The following JAKMIP2 variants were observed in gnomAD, a reference collection of about 807,000 sequenced individuals.
The protein encoded by JAKMIP2 is janus kinase and microtubule-interacting protein 2.
Under a neutral mutation model 115.0 loss-of-function variants are expected in JAKMIP2, and 25 were observed. The observed-to-expected ratio is 0.22, with a 90% CI of 0.16 to 0.30. JAKMIP2 has a LOEUF of 0.30. Among genes scored for constraint, JAKMIP2 ranks in the 10% least tolerant of loss-of-function variants. JAKMIP2 has a pLI of 1.00. For missense variants in JAKMIP2, 642 were observed against 957.6 expected (o/e 0.67, Z 4.35); for synonymous variants, 334 against 343.6 (o/e 0.97, Z 0.31).
At chr5:147,752,802 T>C (rs1249254193) in intron 1 of JAKMIP2, among the ~76,000 whole-genome samples, 4 of 151,864 alleles carry the variant, frequency 2.6e-5, no homozygotes, top group Non-Finnish European at 4.4e-5. Flanking sequence ...GAGGAGAGGA[T>C]TGAGAGGACT....
chr5:147,718,690 G>C (rs1753123951), intron 1 of JAKMIP2, among the ~76,000 whole-genome samples: 1 of 152,142 alleles, frequency 6.6e-6, no homozygotes, highest in African/African-American at 2.4e-5. Flanking sequence ...GATCGGTCGT[G>C]ATATCCCCTT....
intron 1 of JAKMIP2, among the ~76,000 whole-genome samples, chr5:147,706,476 G>T (rs900744614): frequency 3.3e-5 from 5 of 152,064 alleles, no homozygotes; most frequent in Admixed American, 3.3e-4. Context: ...GTGCCACTGT[G>T]CCCAGCTACA....
intron 1 of JAKMIP2, among the ~76,000 whole-genome samples, chr5:147,718,411 C>A (rs1429655934): frequency 6.6e-6 from 1 of 151,984 alleles, no homozygotes; most frequent in African/African-American, 2.4e-5. Flanking sequence ...AGAATAGTTT[C>A]AGAAGGAATG....
At chr5:147,706,432 C>T (rs1752562911) in intron 1 of JAKMIP2, among the ~76,000 whole-genome samples, 1 of 152,138 alleles carries the variant, frequency 6.6e-6, no homozygotes, top group African/African-American at 2.4e-5. Context: ...AATCTTTCTG[C>T]CCCAGCCTCC....
intron 19 of JAKMIP2, among the ~76,000 whole-genome samples, chr5:147,613,364 T>C (rs1756423132): frequency 6.6e-6 from 1 of 151,510 alleles, no homozygotes; most frequent in Non-Finnish European, 1.5e-5. Context: ...GAAAGAGAGG[T>C]TTTTATAATG....
intron 21 of JAKMIP2, among the ~76,000 whole-genome samples, chr5:147,599,072 A>G (rs1285796255): frequency 6.6e-6 from 1 of 152,206 alleles, no homozygotes; most frequent in Non-Finnish European, 1.5e-5. Flanking sequence ...ACTTGGCAGT[A>G]CTAGAGGTTA....
In JAKMIP2 at chr5:147,639,639, T is replaced by G; in HGVS notation, c.1523A>C (p.Glu508Ala). The change falls in exon 10 of 22, where the codon GAA becomes GCA. Residue 508 changes from glutamate to alanine, a missense_variant. Coordinates refer to ENST00000616793, the MANE Select transcript of JAKMIP2 (RefSeq NM_001270941.2). ...QTGGIIDAER[E>A]AKAQEQLQAE... ...TCACAGATACACACTAACCTTGGCT[T>G]CTCGTTCAGCGTCGATGATGCCTCC... The G allele has an allele frequency of 6.2e-7, 1 of 1,612,882 alleles. No homozygotes were observed. Among genetic ancestry groups the G allele is most frequent in the South Asian group, 1.1e-5 (1 of 90,788 alleles).
intron 7 of JAKMIP2, among the ~76,000 whole-genome samples, chr5:147,642,438 T>C (rs750499034): frequency 6.6e-6 from 1 of 152,194 alleles, no homozygotes; most frequent in Non-Finnish European, 1.5e-5. Flanking sequence ...ATGTATTTAC[T>C]GTAAAAATTT....
At chr5:147,764,916 A>AAGAC (rs1561582292) in intron 1 of JAKMIP2, among the ~76,000 whole-genome samples, 1 of 84,436 alleles carries the variant, frequency 1.2e-5, no homozygotes, top group Non-Finnish European at 2.1e-5. Flanking sequence ...GAAAGAAAGA[A>AAGAC]AGAAAGAGAG....
chr5:147,761,140 T>C (rs1754916139), intron 1 of JAKMIP2, among the ~76,000 whole-genome samples: 1 of 152,140 alleles, frequency 6.6e-6, no homozygotes, highest in South Asian at 2.1e-4. Context: ...TTCTCAAAAA[T>C]GCTTCTAAAT....
Position 147,676,205 on chromosome 5 carries a change from C to T in JAKMIP2, c.-148-4251G>A, listed in dbSNP as rs565016353. Reference sequence around the variant, plus strand: ...AAAAAAATTAGCCGGACGTGGCGGCCGGCGCCTGTAGTCCCAGCTGCTGGG... The same window carrying T: ...AAAAAAATTAGCCGGACGTGGCGGCTGGCGCCTGTAGTCCCAGCTGCTGGG... On this transcript the variant is annotated intron_variant, in intron 1 of 21. Transcript: ENST00000616793. Among the ~76,000 whole-genome samples, 64 of 152,266 alleles carry T rather than the reference C, an allele frequency of 4.2e-4. 1 individual carries two copies. In the East Asian group the frequency reaches 0.011, roughly 26 times the overall value.
intron 18 of JAKMIP2, among the ~76,000 whole-genome samples, chr5:147,620,269 T>G (rs540721993): frequency 6.6e-6 from 1 of 152,202 alleles, no homozygotes; most frequent in South Asian, 2.1e-4. Flanking sequence ...CTAATTTTTG[T>G]ATTTTGTATT....
intron 1 of JAKMIP2, among the ~76,000 whole-genome samples, chr5:147,740,572 A>G (rs1754106006): frequency 6.6e-6 from 1 of 152,188 alleles, no homozygotes; most frequent in Admixed American, 6.5e-5. Context: ...TACTCAGCAC[A>G]CTTGAATTTC....
intron 1 of JAKMIP2, among the ~76,000 whole-genome samples, chr5:147,739,881 G>A (rs921389903): frequency 2.0e-5 from 3 of 152,128 alleles, no homozygotes; most frequent in Admixed American, 2.0e-4. Context: ...AGACTGATCA[G>A]AGAAGTCACA....
chr5:147,698,069 G>A (rs574290085), intron 1 of JAKMIP2, among the ~76,000 whole-genome samples: 4 of 152,322 alleles, frequency 2.6e-5, no homozygotes, highest in African/African-American at 9.6e-5. Context: ...CAAAGTCACA[G>A]GAGCGGAGCT....
At chr5:147,780,368 C>CA (rs527482069) in intron 1 of JAKMIP2, among the ~76,000 whole-genome samples, 51 of 151,574 alleles carry the variant, frequency 3.4e-4, no homozygotes, top group Non-Finnish European at 5.9e-4. Flanking sequence ...AATGAAAACT[C>CA]AAAAAAAAGA....
intron 1 of JAKMIP2, among the ~76,000 whole-genome samples, chr5:147,721,644 C>A (rs10038956): frequency 0.023 from 3,462 of 152,038 alleles, 146 homozygotes; most frequent in African/African-American, 0.079. Context: ...TTCTTTGACT[C>A]GGAAAGGGAA....
At chr5:147,669,815 T>C (rs962528762) in intron 2 of JAKMIP2, among the ~76,000 whole-genome samples, 53 of 152,198 alleles carry the variant, frequency 3.5e-4, no homozygotes, top group African/African-American at 1.3e-3. Flanking sequence ...CCATCAGAAT[T>C]GCCAGGGCTG....
Position 147,768,051 on chromosome 5 carries a change from A to G in JAKMIP2, c.-149+14405T>C, listed in dbSNP as rs186997215. On this transcript the variant is annotated intron_variant, in intron 1 of 21. Transcript: ENST00000616793. ...TTCTTTTTTAACTTTAAGGCAAGAC[A>G]GGTTACAAAACCCCTACACACACAC... Among the ~76,000 whole-genome samples, 194 of 152,298 alleles carry G rather than the reference A, an allele frequency of 1.3e-3. 2 individuals are homozygous for G. The highest frequency in any genetic ancestry group is 3.6e-3 in the Admixed American group (55 of 15,290).
Sources: allele counts gnomAD v4.1 joint callset (sites outside exome capture counted in the v4.1 genomes callset), GRCh38; gene constraint gnomAD v4.1.1; transcripts MANE v1.5; gene names NCBI Gene and HGNC (gene_info 2026-07-23, HGNC 2026-07-21).